The following MTUS2 variants were observed in gnomAD, a reference collection of about 807,000 sequenced individuals.
The protein encoded by MTUS2 is microtubule-associated tumor suppressor candidate 2.
A neutral mutation model predicts 114.1 loss-of-function variants in MTUS2; 40 were observed. That is an observed-to-expected ratio of 0.35 (90% CI 0.27 to 0.46). The LOEUF (loss-of-function observed/expected upper bound fraction) is 0.46, where lower values mean the gene tolerates loss of function less well. Among genes scored for constraint, MTUS2 ranks in the 20% least tolerant of loss-of-function variants. The pLI, the probability that MTUS2 is intolerant of heterozygous loss-of-function variation, is 1.00. For missense variants in MTUS2, 1,679 were observed against 1,705.4 expected (o/e 0.98, Z 0.27); for synonymous variants, 688 against 672.0 (o/e 1.02, Z -0.37).
At chr13:29,089,006 T>A (rs760377045) in intron 4 of MTUS2, among the ~76,000 whole-genome samples, 11 of 152,218 alleles carry the variant, frequency 7.2e-5, no homozygotes, top group Non-Finnish European at 1.5e-4. Flanking sequence ...TGTTGTTAGC[T>A]GGTTGTTATG....
intron 6 of MTUS2, among the ~76,000 whole-genome samples, chr13:29,284,971 C>G (rs927282863): frequency 2.6e-5 from 4 of 151,604 alleles, no homozygotes; most frequent in Non-Finnish European, 5.9e-5. Flanking sequence ...AGGTCTAGGA[C>G]AAGAAATGTA....
intron 4 of MTUS2, among the ~76,000 whole-genome samples, chr13:29,093,382 G>T (rs1890047117): frequency 6.6e-6 from 1 of 152,140 alleles, no homozygotes; most frequent in African/African-American, 2.4e-5. Context: ...GGTGGAAGTT[G>T]CAGTGAGCCG....
intron 5 of MTUS2, among the ~76,000 whole-genome samples, chr13:29,116,660 T>C (rs1273440453): frequency 1.3e-5 from 2 of 152,158 alleles, no homozygotes; most frequent in Admixed American, 1.3e-4. Flanking sequence ...TTGGGGCCAT[T>C]CTTAAGTAAC....
intron 2 of MTUS2, among the ~76,000 whole-genome samples, chr13:28,996,755 C>T (rs947799127): frequency 1.3e-5 from 2 of 152,148 alleles, no homozygotes; most frequent in African/African-American, 4.8e-5. Context: ...TCCCCTTTGT[C>T]ATTTTTTATT....
At chr13:29,422,125 A>G (rs939765779) in intron 8 of MTUS2, among the ~76,000 whole-genome samples, 2 of 152,224 alleles carry the variant, frequency 1.3e-5, no homozygotes, top group African/African-American at 4.8e-5. Flanking sequence ...TTCCTTATCC[A>G]GGTTATCACA....
intron 9 of MTUS2, among the ~76,000 whole-genome samples, chr13:29,469,543 CG>C (rs1453305656): frequency 6.6e-6 from 1 of 151,400 alleles, no homozygotes; most frequent in Non-Finnish European, 1.5e-5. Flanking sequence ...AGGAGAATGG[CG>C]TGAACCTGGG....
intron 9 of MTUS2, among the ~76,000 whole-genome samples, chr13:29,458,604 A>G (rs778977080): frequency 1.3e-4 from 20 of 152,064 alleles, no homozygotes; most frequent in Non-Finnish European, 2.4e-4. Context: ...AGCTTTAACT[A>G]CCACCTATAA....
At chr13:29,488,322 A>G (rs546467094) in intron 11 of MTUS2, among the ~76,000 whole-genome samples, 3 of 152,152 alleles carry the variant, frequency 2.0e-5, no homozygotes, top group Non-Finnish European at 4.4e-5. Flanking sequence ...CTTGGTCCAT[A>G]GTGCAGTGTA....
chr13:28,823,304 C>T (rs1473619972), intron 1 of MTUS2, among the ~76,000 whole-genome samples: 1 of 152,218 alleles, frequency 6.6e-6, no homozygotes, highest in East Asian at 1.9e-4. Context: ...AGATGAGTAT[C>T]TGCTTGTTCC....
At position 29,505,893 on chromosome 13, in the gene MTUS2, T is replaced by A. The variant is rs1181042076; in HGVS notation, c.*2687T>A. On this transcript the variant is annotated 3_prime_UTR_variant, in exon 16 of 16. Transcript: ENST00000612955. ...TCCCTTTTCCTGCCCCTACAGTTTG[T>A]GTTGCATATTTGTGTTTAAAGCCTA... The A allele has an allele frequency of 4.5e-6, 1 of 224,666 alleles. No individual in the cohort carries two copies. The highest frequency in any genetic ancestry group is 8.9e-6 in the Non-Finnish European group (1 of 112,864). 13.9% of individuals were successfully genotyped at this position (224,666 alleles called of 1,614,324 possible).
chr13:29,061,901 T>C (rs1888437315), intron 4 of MTUS2, among the ~76,000 whole-genome samples: 2 of 102,842 alleles, frequency 1.9e-5, no homozygotes, highest in Non-Finnish European at 3.9e-5. Context: ...ATAGTTTTTG[T>C]TGTAGCTGAA....
At chr13:29,356,320 C>T (rs1200175994) in intron 7 of MTUS2, among the ~76,000 whole-genome samples, 1 of 152,208 alleles carries the variant, frequency 6.6e-6, no homozygotes, top group Admixed American at 6.5e-5. Flanking sequence ...GTGACCACCA[C>T]CCTCCAGAAG....
intron 5 of MTUS2, among the ~76,000 whole-genome samples, chr13:29,119,849 G>A (rs547496439): frequency 1.6e-4 from 25 of 152,122 alleles, no homozygotes; most frequent in South Asian, 4.1e-4. Flanking sequence ...TAGAAATCAA[G>A]TTTAATCAGC....
chr13:29,207,396 T>G (rs1895235522), intron 5 of MTUS2, among the ~76,000 whole-genome samples: 5 of 152,142 alleles, frequency 3.3e-5, no homozygotes, highest in Admixed American at 3.3e-4. Context: ...TCTTCTTTAC[T>G]GATTTGGATG....
At chr13:29,502,952 A>G (rs901119598) in intron 15 of MTUS2, 41 bp from the exon 16 acceptor site, 3 of 1,597,850 alleles carry the variant, frequency 1.9e-6, no homozygotes, top group Admixed American at 1.7e-5. Context: ...TTCAGTGTCC[A>G]CTAGCATGAT....
At chr13:29,017,221 G>C (rs535287931) in intron 2 of MTUS2, among the ~76,000 whole-genome samples, 3 of 152,038 alleles carry the variant, frequency 2.0e-5, no homozygotes, top group Non-Finnish European at 2.9e-5. Flanking sequence ...GGATTTTTTT[G>C]CATTGTTATA....
At chr13:29,077,982 T>G (rs1027550774) in intron 4 of MTUS2, among the ~76,000 whole-genome samples, 1 of 152,156 alleles carries the variant, frequency 6.6e-6, no homozygotes, top group African/African-American at 2.4e-5. Flanking sequence ...GAATATCTGG[T>G]TTTTTCAAAG....
intron 8 of MTUS2, among the ~76,000 whole-genome samples, chr13:29,409,408 A>C (rs1190747984): frequency 1.3e-5 from 2 of 152,194 alleles, no homozygotes; most frequent in Non-Finnish European, 2.9e-5. Context: ...TGTTTTCCAA[A>C]GTTACTTAGG....
intron 4 of MTUS2, among the ~76,000 whole-genome samples, chr13:29,072,796 C>A (rs543278546): frequency 7.2e-5 from 11 of 152,272 alleles, no homozygotes; most frequent in Non-Finnish European, 1.5e-4. Context: ...GATTTAGAAT[C>A]AGTTAAAAAT....
Sources: gnomAD v4.1 joint callset for allele counts (sites outside exome capture counted in the v4.1 genomes callset) on GRCh38, gnomAD v4.1.1 for gene constraint, MANE v1.5 for transcripts, NCBI Gene and HGNC (gene_info 2026-07-23, HGNC 2026-07-21) for gene names.